The following NELL2 variants were observed in gnomAD, a reference collection of about 807,000 sequenced individuals.
The protein encoded by NELL2 is protein kinase C-binding protein NELL2.
NELL2 carries 41 observed loss-of-function variants against 109.6 expected under a neutral mutation model. The ratio of observed to expected loss-of-function variants is 0.37; its 90% CI spans 0.29 to 0.49. The LOEUF (loss-of-function observed/expected upper bound fraction) is 0.49. Ranked by LOEUF, NELL2 falls within the 20% of genes least tolerant of loss-of-function variation. The probability of loss-of-function intolerance (pLI) is 0.98; values close to 1 mark genes in which losing one functional copy is unlikely to be tolerated. For missense variants in NELL2, 900 were observed against 1,008.3 expected, an observed-to-expected ratio of 0.89 and a Z score of 1.45; for synonymous variants, 355 against 344.7, an observed-to-expected ratio of 1.03 and a Z score of -0.33.
intron 15 of NELL2, among the ~76,000 whole-genome samples, chr12:44,570,714 A>T (rs1943835287): frequency 6.6e-6 from 1 of 152,204 alleles, no homozygotes; most frequent in Non-Finnish European, 1.5e-5. Flanking sequence ...TTTTTAAAAA[A>T]TATAATATAA....
intron 9 of NELL2, among the ~76,000 whole-genome samples, chr12:44,749,684 C>G (rs555844963): frequency 6.6e-6 from 1 of 152,160 alleles, no homozygotes; most frequent in South Asian, 2.1e-4. Flanking sequence ...AGTGAAGTCC[C>G]CCTCGGAGGA....
chr12:44,649,218 C>A (rs899669972), intron 13 of NELL2, among the ~76,000 whole-genome samples: 5 of 151,876 alleles, frequency 3.3e-5, no homozygotes, highest in Admixed American at 1.3e-4. Context: ...CCCTCCCTCC[C>A]TCCCTCCTTC....
chr12:44,527,122 A>C (rs945039237), intron 16 of NELL2, among the ~76,000 whole-genome samples: 2 of 152,242 alleles, frequency 1.3e-5, no homozygotes, highest in East Asian at 3.8e-4. Flanking sequence ...CCTTCACAGC[A>C]TGACATTTAT....
intron 13 of NELL2, among the ~76,000 whole-genome samples, chr12:44,625,319 C>G (rs1946214853): frequency 2.0e-5 from 3 of 151,910 alleles, no homozygotes; most frequent in Admixed American, 6.6e-5. Flanking sequence ...CCCTTATTAA[C>G]ATAACAAAGA....
chr12:44,522,236 C>G, intron 17 of NELL2, 60 bp from the exon 18 acceptor site: 1 of 1,305,178 alleles, frequency 7.7e-7, no homozygotes, highest in African/African-American at 1.5e-5. Flanking sequence ...AACACGCACA[C>G]ACACACACGC....
At chr12:44,892,797 C>CAAAA (rs57230571) in intron 1 of NELL2, among the ~76,000 whole-genome samples, 16 of 57,706 alleles carry the variant, frequency 2.8e-4, no homozygotes, top group South Asian at 6.5e-4. Context: ...GACTCTGTCT[C>CAAAA]AAAAAAAAAA....
chr12:44,656,553 T>C (rs994669265), intron 13 of NELL2, among the ~76,000 whole-genome samples: 1 of 152,224 alleles, frequency 6.6e-6, no homozygotes. Context: ...TCATTAAACA[T>C]TTCTTTTGCA....
At chr12:44,624,042 G>T (rs1318709860) in intron 13 of NELL2, among the ~76,000 whole-genome samples, 5 of 152,046 alleles carry the variant, frequency 3.3e-5, no homozygotes, top group African/African-American at 1.2e-4. Context: ...GTAGGTGATG[G>T]GTTGATGAGT....
At chr12:44,541,272 A>G (rs1438069212) in intron 15 of NELL2, among the ~76,000 whole-genome samples, 2 of 150,998 alleles carry the variant, frequency 1.3e-5, no homozygotes, top group Non-Finnish European at 3.0e-5. Context: ...AAAAAGAAAA[A>G]AAAAAGAAAT....
At chr12:44,868,854 T>C (rs1034468382) in intron 2 of NELL2, among the ~76,000 whole-genome samples, 1 of 152,144 alleles carries the variant, frequency 6.6e-6, no homozygotes. Context: ...CATTGTACTC[T>C]TCAAAATTTC....
intron 15 of NELL2, among the ~76,000 whole-genome samples, chr12:44,552,495 C>G (rs1173862615): frequency 2.6e-5 from 4 of 152,050 alleles, no homozygotes; most frequent in African/African-American, 9.7e-5. Flanking sequence ...TTGAATTTCA[C>G]AGAAAACTTC....
At chr12:44,639,390 T>C (rs538107657) in intron 13 of NELL2, among the ~76,000 whole-genome samples, 8 of 152,306 alleles carry the variant, frequency 5.3e-5, no homozygotes, top group South Asian at 2.1e-4. Flanking sequence ...ACGACGACCA[T>C]GACACTTCAC....
chr12:44,663,022 T>C (rs1454953159), intron 13 of NELL2, among the ~76,000 whole-genome samples: 3 of 152,130 alleles, frequency 2.0e-5, no homozygotes, highest in Non-Finnish European at 4.4e-5. Context: ...ATCTCAATAT[T>C]TTATAAGATA....
At chr12:44,896,244 T>C (rs573509190) in intron 1 of NELL2, among the ~76,000 whole-genome samples, 1 of 152,298 alleles carries the variant, frequency 6.6e-6, no homozygotes, top group South Asian at 2.1e-4. Flanking sequence ...TAAATATATA[T>C]GCTGGTGTAA....
chr12:44,773,403 A>G (rs10880682), intron 9 of NELL2, among the ~76,000 whole-genome samples: 34,909 of 151,898 alleles, frequency 0.23, 4,253 homozygotes, highest in South Asian at 0.28. Flanking sequence ...GTGAACCTGG[A>G]AGGCGGAGCT....
chr12:44,875,121 T>G, intron 2 of NELL2, 104 bp downstream of exon 2: 1 of 1,445,472 alleles, frequency 6.9e-7, no homozygotes, highest in Non-Finnish European at 9.3e-7. Context: ...GCTAAAGTAC[T>G]GTCATCCATG....
At chr12:44,704,883 G>C (rs552539474) in intron 11 of NELL2, among the ~76,000 whole-genome samples, 2 of 152,084 alleles carry the variant, frequency 1.3e-5, no homozygotes, top group Non-Finnish European at 2.9e-5. Flanking sequence ...TCTGGGCATG[G>C]TGGCAGGTGC....
intron 15 of NELL2, among the ~76,000 whole-genome samples, chr12:44,579,380 C>A (rs369903737): frequency 3.9e-5 from 6 of 152,158 alleles, no homozygotes; most frequent in Non-Finnish European, 7.3e-5. Flanking sequence ...AATACTTAGA[C>A]CCCAGTTTGC....
intron 9 of NELL2, among the ~76,000 whole-genome samples, chr12:44,759,795 A>G (rs1006642483): frequency 6.6e-6 from 1 of 152,192 alleles, no homozygotes; most frequent in Non-Finnish European, 1.5e-5. Flanking sequence ...CTTACTCTGA[A>G]GTCCTCCCAT....
Sources: allele counts gnomAD v4.1 joint callset (sites outside exome capture counted in the v4.1 genomes callset), GRCh38; gene constraint gnomAD v4.1.1; transcripts MANE v1.5; gene names NCBI Gene and HGNC (gene_info 2026-07-23, HGNC 2026-07-21).